SHANK2: variants seen among roughly 807,000 people sequenced by gnomAD.
The protein encoded by SHANK2 is SH3 and multiple ankyrin repeat domains 2, also known as SH3 and multiple ankyrin repeat domains protein 2.
In SHANK2, 43 loss-of-function variants were observed where a neutral mutation model predicts 133.7. That is an observed-to-expected ratio of 0.32 (90% CI 0.25 to 0.41). SHANK2 has a LOEUF of 0.41. SHANK2 is among the 10% of genes least tolerant of loss of function. The probability of loss-of-function intolerance (pLI) is 1.00; values close to 1 mark genes in which losing one functional copy is unlikely to be tolerated. For missense variants in SHANK2, 1,994 were observed against 2,235.8 expected, an observed-to-expected ratio of 0.89 and a Z score of 2.18; for synonymous variants, 1,017 against 952.8, an observed-to-expected ratio of 1.07 and a Z score of -1.24.
intron 11 of SHANK2, among the ~76,000 whole-genome samples, chr11:70,888,374 C>T (rs541554189): frequency 1.4e-4 from 21 of 152,282 alleles, no homozygotes; most frequent in Middle Eastern, 3.4e-3. Flanking sequence ...CCTCTGAGCT[C>T]GGCTGCTCCT....
Position 70,890,825 on chromosome 11 carries a change from A to G in SHANK2, c.1174+5676T>C, listed in dbSNP as rs376713317. The stretch of plus-strand genomic sequence containing the variant: ...AAAAAAAAAAAAAAATTAGCTGGGC[A>G]TGGTGGCAGGCGCCTGTAATCACAG... On this transcript the variant is annotated intron_variant, in intron 11 of 25. Transcript: ENST00000601538. 3.6e-4 allele frequency among the ~76,000 whole-genome samples: 54 copies of G among 149,602 alleles called. 1 individual carries two copies. The East Asian group carries it at 5.5e-3, about 15-fold the overall frequency.
At chr11:71,126,313 T>C (rs1354085544) in intron 3 of SHANK2, among the ~76,000 whole-genome samples, 1 of 151,610 alleles carries the variant, frequency 6.6e-6, no homozygotes, top group Non-Finnish European at 1.5e-5. Flanking sequence ...CACATCTGTT[T>C]ACAACACATG....
chr11:70,738,618 C>A (rs183229663), intron 14 of SHANK2, among the ~76,000 whole-genome samples: 2 of 152,294 alleles, frequency 1.3e-5, no homozygotes, highest in African/African-American at 4.8e-5. Flanking sequence ...CCCAAGGGAC[C>A]AATGGAAGCA....
chr11:70,784,346 T>TG (rs1947593639), intron 14 of SHANK2, among the ~76,000 whole-genome samples: 2 of 114,498 alleles, frequency 1.7e-5, no homozygotes, highest in Non-Finnish European at 3.4e-5. Context: ...CCGGCTAGTT[T>TG]TTTTTTTTTT....
At chr11:71,125,678 G>GA (rs1952168749) in intron 3 of SHANK2, among the ~76,000 whole-genome samples, 1 of 152,242 alleles carries the variant, frequency 6.6e-6, no homozygotes, top group East Asian at 1.9e-4. Flanking sequence ...AAGTTCTCCA[G>GA]AAGATCTCGC....
chr11:70,874,377 C>CT (rs1949522847), intron 11 of SHANK2, among the ~76,000 whole-genome samples: 1 of 152,142 alleles, frequency 6.6e-6, no homozygotes, highest in African/African-American at 2.4e-5. Flanking sequence ...GACAGGGTCT[C>CT]TGTTACACAC....
intron 17 of SHANK2, among the ~76,000 whole-genome samples, chr11:70,637,888 G>T (rs1254822498): frequency 6.6e-6 from 1 of 152,278 alleles, no homozygotes; most frequent in East Asian, 1.9e-4. Context: ...CCCTGTTTGG[G>T]GTCTGCGAGC....
At chr11:70,550,358 G>A (rs1050956654) in intron 17 of SHANK2, among the ~76,000 whole-genome samples, 27 of 152,278 alleles carry the variant, frequency 1.8e-4, no homozygotes, top group Non-Finnish European at 2.2e-4. Context: ...TGGAGCAGAC[G>A]CCACCCCTCC....
chr11:70,583,817 G>A (rs570847891), intron 17 of SHANK2, among the ~76,000 whole-genome samples: 2 of 152,254 alleles, frequency 1.3e-5, no homozygotes, highest in African/African-American at 4.8e-5. Flanking sequence ...ATCACCCCAC[G>A]GTATAACGTC....
At chr11:70,505,368 CTG>C (rs557157724) in intron 17 of SHANK2, among the ~76,000 whole-genome samples, 57 of 152,094 alleles carry the variant, frequency 3.7e-4, no homozygotes, top group Non-Finnish European at 6.2e-4. Flanking sequence ...CACCGAGACA[CTG>C]GGGTCTCAAG....
At chr11:70,950,118 C>T (rs782426613) in intron 10 of SHANK2, 28 of 456,294 alleles carry the variant, frequency 6.1e-5, no homozygotes, top group Non-Finnish European at 1.1e-4. Context: ...AATGCAATGG[C>T]GCTGACCTCA....
chr11:70,592,997 C>T (rs1366950762), intron 17 of SHANK2, among the ~76,000 whole-genome samples: 1 of 152,190 alleles, frequency 6.6e-6, no homozygotes, highest in Non-Finnish European at 1.5e-5. Context: ...ACGAAGGGAG[C>T]CTGCAGCTAT....
At chr11:70,816,944 C>T (rs1448287397) in intron 12 of SHANK2, among the ~76,000 whole-genome samples, 1 of 152,226 alleles carries the variant, frequency 6.6e-6, no homozygotes. Flanking sequence ...TGTCCCTGCG[C>T]CCAGCATGGG....
intron 11 of SHANK2, among the ~76,000 whole-genome samples, chr11:70,852,439 G>T (rs868995409): frequency 6.6e-6 from 1 of 152,114 alleles, no homozygotes; most frequent in African/African-American, 2.4e-5. Flanking sequence ...GGGCAGGAGG[G>T]TTGCAGGGGA....
intron 17 of SHANK2, among the ~76,000 whole-genome samples, chr11:70,599,643 T>G (rs1554990388): frequency 1.5e-5 from 1 of 67,544 alleles, no homozygotes; most frequent in Non-Finnish European, 3.2e-5. Flanking sequence ...AAAAAAAAAA[T>G]TGGCTGGGTG....
intron 17 of SHANK2, among the ~76,000 whole-genome samples, chr11:70,615,191 A>T (rs1554995537): frequency 6.6e-6 from 1 of 152,128 alleles, no homozygotes; most frequent in East Asian, 1.9e-4. Context: ...GGGTGGGCCT[A>T]GAAGGAGAAG....
chr11:70,519,174 T>C (rs2059300208), intron 17 of SHANK2, among the ~76,000 whole-genome samples: 1 of 152,144 alleles, frequency 6.6e-6, no homozygotes, highest in Non-Finnish European at 1.5e-5. Context: ...CCCAAAGTGC[T>C]AGGATCATAG....
intron 10 of SHANK2, among the ~76,000 whole-genome samples, chr11:70,920,662 G>C (rs1321199193): frequency 6.6e-6 from 1 of 152,116 alleles, no homozygotes; most frequent in African/African-American, 2.4e-5. Flanking sequence ...TCCCTAACGG[G>C]GTCTACTCCA....
At chr11:71,080,559 A>G (rs1166486864) in intron 8 of SHANK2, among the ~76,000 whole-genome samples, 4 of 151,958 alleles carry the variant, frequency 2.6e-5, no homozygotes, top group African/African-American at 9.7e-5. Context: ...GCTGAGACGA[A>G]CCCCCTATCA....
Sources: allele counts gnomAD v4.1 joint callset (sites outside exome capture counted in the v4.1 genomes callset), GRCh38; gene constraint gnomAD v4.1.1; transcripts MANE v1.5; gene names NCBI Gene and HGNC (gene_info 2026-07-23, HGNC 2026-07-21).